The following EPS8 variants were observed in gnomAD, a reference collection of about 807,000 sequenced individuals.
The protein encoded by EPS8 is epidermal growth factor receptor kinase substrate 8.
In EPS8, 42 loss-of-function variants were observed where a neutral mutation model predicts 103.8. That is an observed-to-expected ratio of 0.40 (90% CI 0.32 to 0.52). EPS8 has a LOEUF of 0.52. EPS8 is among the 20% of genes least tolerant of loss of function. The pLI is 0.40. For missense variants in EPS8, 969 were observed against 1,005.1 expected (o/e 0.96, Z 0.49); for synonymous variants, 344 against 344.6 (o/e 1.00, Z 0.02).
chr12:15,641,331 G>A (rs930976441), intron 16 of EPS8, among the ~76,000 whole-genome samples: 10 of 151,050 alleles, frequency 6.6e-5, no homozygotes, highest in African/African-American at 2.4e-4. Context: ...TTAGCTCAAT[G>A]ACTGCTGAGT....
intron 10 of EPS8, among the ~76,000 whole-genome samples, chr12:15,659,808 C>A (rs552464666): frequency 2.0e-5 from 3 of 152,138 alleles, no homozygotes; most frequent in Non-Finnish European, 2.9e-5. Flanking sequence ...AATAGCTGAA[C>A]TGCAGCATAC....
At chr12:15,663,944 A>AAAAAAAAAAAAATAAT (rs1555112203) in intron 8 of EPS8, among the ~76,000 whole-genome samples, 1 of 85,976 alleles carries the variant, frequency 1.2e-5, no homozygotes, top group African/African-American at 4.5e-5. Flanking sequence ...AAAAAAAAAA[A>AAAAAAAAAAAAATAAT]AATAATATAT....
Position 15,666,109 on chromosome 12 carries a change from CT to C in EPS8, c.600-218del, listed in dbSNP as rs1485127283. Among the ~76,000 whole-genome samples, 10 of 152,236 alleles carry C rather than the reference CT, an allele frequency of 6.6e-5. No individual in the cohort carries two copies. The East Asian group carries it at 1.9e-3, about 29-fold the overall frequency. ...AACTAGGTTGATTTTCCTTCTGAGT[CT>C]TATGTGATTTGAAAGGGCCATGGAA... On this transcript the variant is annotated intron_variant, in intron 7 of 20. Coordinates refer to ENST00000281172, the MANE Select transcript of EPS8 (RefSeq NM_004447.6).
intron 1 of EPS8, among the ~76,000 whole-genome samples, chr12:15,774,317 C>A (rs1357856926): frequency 1.4e-5 from 2 of 142,504 alleles, no homozygotes; most frequent in Non-Finnish European, 3.1e-5. Flanking sequence ...ATCTACCCCC[C>A]TCCTTCACCC....
intron 3 of EPS8, among the ~76,000 whole-genome samples, chr12:15,671,181 T>C (rs1339736420): frequency 6.6e-6 from 1 of 152,098 alleles, no homozygotes; most frequent in Non-Finnish European, 1.5e-5. Flanking sequence ...AGAGTATAAA[T>C]ATTATAAGAA....
chr12:15,657,559 T>TA (rs1945529738), intron 12 of EPS8, among the ~76,000 whole-genome samples: 1 of 152,202 alleles, frequency 6.6e-6, no homozygotes, highest in South Asian at 2.1e-4. Context: ...CCTGATGGGC[T>TA]ACTATAAAGC....
At chr12:15,665,423 C>A in intron 8 of EPS8, 1 of 238,184 alleles carries the variant, frequency 4.2e-6, no homozygotes. Context: ...CCTCCGCCTC[C>A]CGGTTCAAGT....
At chr12:15,656,194 T>A (rs1338031609) in intron 12 of EPS8, among the ~76,000 whole-genome samples, 1 of 150,884 alleles carries the variant, frequency 6.6e-6, no homozygotes, top group Non-Finnish European at 1.5e-5. Context: ...AACTTCTTTA[T>A]AAATAATACT....
chr12:15,658,236 C>T (rs1945542748), intron 11 of EPS8, 83 bp from the exon 12 acceptor site: 15 of 854,066 alleles, frequency 1.8e-5, no homozygotes, highest in East Asian at 5.0e-5. Context: ...ACAGAGGGGA[C>T]GGTCTTTACC....
At chr12:15,680,459 C>G (rs372649133) in intron 3 of EPS8, among the ~76,000 whole-genome samples, 1 of 152,128 alleles carries the variant, frequency 6.6e-6, no homozygotes, top group African/African-American at 2.4e-5. Flanking sequence ...ACCCCCATTA[C>G]ACAGATAAGC....
In EPS8 at chr12:15,735,200, G is replaced by A. The variant is rs1453372190; in HGVS notation, c.-21-52228C>T. On this transcript the variant is annotated intron_variant, in intron 1 of 20. Transcript: ENST00000281172. The surrounding 1 kb of genome is among the most constrained non-coding windows in gnomAD (Gnocchi z 4.4). The stretch of plus-strand genomic sequence containing the variant: ...AATGAAAATAAGCTCCAATTCTTAC[G>A]TTTCTACTTTAGTCCAATGAAGGCT... Among the ~76,000 whole-genome samples the A allele has an allele frequency of 6.6e-6, 1 of 152,106 alleles. No individual in the cohort carries two copies. Among genetic ancestry groups the A allele is most frequent in the Non-Finnish European group, 1.5e-5 (1 of 68,020 alleles).
chr12:15,764,923 C>T lies in EPS8; in HGVS notation c.-22+24238G>A, dbSNP rs2136035508. 6.6e-6 allele frequency among the ~76,000 whole-genome samples: 1 copy of T among 152,228 alleles called. No homozygotes were observed. ...CAATGTCAAGTACAATATCACTCTCCAAAAACAGAAGACCATTAATCATTT... is the reference window on the plus strand; with the variant it reads ...CAATGTCAAGTACAATATCACTCTCTAAAAACAGAAGACCATTAATCATTT... On this transcript the variant is annotated intron_variant, in intron 1 of 20. Transcript: ENST00000281172. This position sits in a 1 kb window ranked among gnomAD's most constrained non-coding sequence, Gnocchi z 4.1.
chr12:15,653,188 T>A (rs1945444796), intron 13 of EPS8, among the ~76,000 whole-genome samples: 1 of 152,222 alleles, frequency 6.6e-6, no homozygotes, highest in African/African-American at 2.4e-5. Context: ...GAGCCTCTCC[T>A]ACGATATTAG....
At chr12:15,664,821 C>T (rs181896860) in intron 8 of EPS8, among the ~76,000 whole-genome samples, 1 of 152,186 alleles carries the variant, frequency 6.6e-6, no homozygotes, top group Non-Finnish European at 1.5e-5. Flanking sequence ...ACAATTTATT[C>T]GTCCTTAAAA....
intron 1 of EPS8, among the ~76,000 whole-genome samples, chr12:15,788,810 C>A (rs1258974969): frequency 6.6e-6 from 1 of 152,172 alleles, no homozygotes; most frequent in Non-Finnish European, 1.5e-5. Context: ...TCGGGATACT[C>A]GGTCTGCAGT....
chr12:15,672,131 T>G (rs1436882316), intron 3 of EPS8, among the ~76,000 whole-genome samples: 1 of 152,156 alleles, frequency 6.6e-6, no homozygotes, highest in African/African-American at 2.4e-5. Context: ...ACCTATTTCT[T>G]TTAGTTAGTA....
At position 15,760,002 on chromosome 12, in the gene EPS8, A is replaced by T. The variant is rs1022559672; in HGVS notation, c.-22+29159T>A. Among the ~76,000 whole-genome samples, 5 of 151,668 alleles carry T rather than the reference A, an allele frequency of 3.3e-5. No homozygotes were observed. The highest frequency in any genetic ancestry group is 2.0e-4 in the Admixed American group (3 of 15,240). ...AGAGAAATTAAAAAGAAGAAAATAT[A>T]AAAAAAATCAATGAAACTAAAAGTT... On this transcript the variant is annotated intron_variant, in intron 1 of 20. Coordinates refer to ENST00000281172, the MANE Select transcript of EPS8 (RefSeq NM_004447.6). The surrounding 1 kb of genome is among the most constrained non-coding windows in gnomAD (Gnocchi z 4.5).
chr12:15,724,326 A>G (rs1420810752), intron 1 of EPS8, among the ~76,000 whole-genome samples: 1 of 152,196 alleles, frequency 6.6e-6, no homozygotes, highest in Non-Finnish European at 1.5e-5. Flanking sequence ...AAATCATATA[A>G]ACTAATTCAG....
intron 3 of EPS8, among the ~76,000 whole-genome samples, chr12:15,680,272 T>C (rs1379158922): frequency 1.3e-5 from 2 of 152,180 alleles, no homozygotes; most frequent in Non-Finnish European, 2.9e-5. Flanking sequence ...CAGATCTAGA[T>C]AATGTAAAAA....
Sources: gnomAD v4.1 joint callset for allele counts (sites outside exome capture counted in the v4.1 genomes callset) on GRCh38, gnomAD v4.1.1 for gene constraint, Gnocchi (gnomAD v3.1) non-coding constraint, MANE v1.5 for transcripts, NCBI Gene and HGNC (gene_info 2026-07-23, HGNC 2026-07-21) for gene names.